ADCY10: variants seen among roughly 807,000 people sequenced by gnomAD.
The protein encoded by ADCY10 is adenylate cyclase 10.
Under a neutral mutation model 183.3 loss-of-function variants are expected in ADCY10, and 156 were observed. The ratio of observed to expected loss-of-function variants is 0.85; its 90% CI spans 0.75 to 0.97. ADCY10 has a LOEUF of 0.97. Ranked by LOEUF, ADCY10 falls within the 50% of genes least tolerant of loss-of-function variation. The pLI, the probability that ADCY10 is intolerant of heterozygous loss-of-function variation, is 0.00. For synonymous variants in ADCY10, 645 were observed against 670.0 expected (o/e 0.96, Z 0.58); for missense variants, 1,745 against 1,934.3 (o/e 0.90, Z 1.84).
chr1:167,818,369 C>T (rs77410994), intron 30 of ADCY10, 102 bp from the exon 31 acceptor site: 1 of 1,068,782 alleles, frequency 9.4e-7, no homozygotes, highest in Non-Finnish European at 1.4e-6. Flanking sequence ...TTACCTGGGT[C>T]TCTGGAAGTG....
intron 21 of ADCY10, among the ~76,000 whole-genome samples, chr1:167,840,822 T>C (rs905696339): frequency 6.6e-6 from 1 of 152,140 alleles, no homozygotes; most frequent in Admixed American, 6.6e-5. Flanking sequence ...CTGCCCACCT[T>C]ATGGTTTCAA....
intron 8 of ADCY10, among the ~76,000 whole-genome samples, chr1:167,888,098 G>A (rs203854): frequency 0.53 from 80,710 of 152,026 alleles, 21,903 homozygotes; most frequent in Middle Eastern, 0.64. Flanking sequence ...AGATGTATGA[G>A]TTTATTTCTT....
In ADCY10 at chr1:167,818,728, G is replaced by A. The variant is rs559694588; in HGVS notation, c.4287-461C>T. ...AATTTTTTGTATTTTAAGTAGATAC[G>A]GGGTTTCACCATGTTGGCTAGGCTG... is the stretch of plus-strand genomic sequence containing the variant. On this transcript the variant is annotated intron_variant, in intron 30 of 32. Transcript: ENST00000367851. Among the ~76,000 whole-genome samples the A allele has an allele frequency of 3.3e-5, 5 of 152,206 alleles. No individual in the cohort carries two copies. The South Asian group carries it at 6.2e-4, about 19-fold the overall frequency.
In ADCY10 at chr1:167,878,515, G is replaced by A; in HGVS notation, c.1337C>T (p.Pro446Leu). 1 of 1,614,078 alleles carries A rather than the reference G, an allele frequency of 6.2e-7. No homozygotes were observed. Among genetic ancestry groups the A allele is most frequent in the Non-Finnish European group, 8.5e-7 (1 of 1,180,024 alleles). Residue 446 changes from proline to leucine, a missense_variant, in exon 12 of 33, where the codon CCA (proline) becomes CTA (leucine). Coordinates refer to ENST00000367851, the MANE Select transcript of ADCY10 (RefSeq NM_018417.6). ...NLPAYFFKEL[P>L]KKVMKGVADS... The stretch of plus-strand genomic sequence containing the variant: ...TGCAACACCTTTCATAACTTTCTTT[G>A]GAAGCTCTTTAAAAAAGTACGCTGG...
intron 3 of ADCY10, among the ~76,000 whole-genome samples, chr1:167,903,515 G>C (rs759599655): frequency 1.6e-4 from 25 of 152,124 alleles, no homozygotes; most frequent in Non-Finnish European, 3.2e-4. Context: ...AGTGAGCCAA[G>C]ATTGTGCCAC....
At chr1:167,899,398 C>G in intron 6 of ADCY10, 25 bp downstream of exon 6, 1 of 1,612,812 alleles carries the variant, frequency 6.2e-7, no homozygotes, top group South Asian at 1.1e-5. Flanking sequence ...GCAGAACTTT[C>G]TGTAAGTAGC....
In ADCY10 at chr1:167,870,293, A is replaced by G. The variant is rs748513464; in HGVS notation, c.1580T>C (p.Met527Thr). 7.4e-6 allele frequency: 12 copies of G among 1,613,976 alleles called. No individual in the cohort carries two copies. Among genetic ancestry groups the G allele is most frequent in the African/African-American group, 4.0e-5 (3 of 74,928 alleles). The change falls in exon 14 of 33, where the codon ATG becomes ACG. Residue 527 changes from methionine (M) to threonine (T), a missense_variant. Coordinates refer to ENST00000367851, the MANE Select transcript of ADCY10 (RefSeq NM_018417.6). ...LPGYGKSQIL[M>T]KIEYLAQGKN... ...ACCTTGGGCCAGGTACTCAATTTTC[A>G]TAAGTATCTGGCTTTTTCCATATCC...
At chr1:167,855,539 T>G (rs1446994359) in intron 17 of ADCY10, among the ~76,000 whole-genome samples, 1 of 152,128 alleles carries the variant, frequency 6.6e-6, no homozygotes, top group Non-Finnish European at 1.5e-5. Flanking sequence ...GCCTTTCCTG[T>G]CACTTGCCCA....
chr1:167,817,356 C>T (rs1450259958), intron 31 of ADCY10, among the ~76,000 whole-genome samples: 1 of 152,024 alleles, frequency 6.6e-6, no homozygotes, highest in Non-Finnish European at 1.5e-5. Flanking sequence ...CAAAGGGAGG[C>T]TCTGTTAAGA....
intron 26 of ADCY10, 105 bp from the exon 27 acceptor site, chr1:167,824,960 T>C: frequency 8.6e-7 from 1 of 1,167,132 alleles, no homozygotes; most frequent in South Asian, 1.3e-5. Flanking sequence ...AGTTTGGGAA[T>C]AGAGCTGGAC....
chr1:167,909,871 G>T (rs2102481978), intron 1 of ADCY10, among the ~76,000 whole-genome samples: 1 of 152,304 alleles, frequency 6.6e-6, no homozygotes, highest in African/African-American at 2.4e-5. Context: ...TCTCTGAAGA[G>T]AAAGAGGAAG....
At chr1:167,862,080 G>A (rs891425504) in intron 14 of ADCY10, among the ~76,000 whole-genome samples, 1 of 152,150 alleles carries the variant, frequency 6.6e-6, no homozygotes, top group Non-Finnish European at 1.5e-5. Context: ...GTTCTTTATA[G>A]CAGCGTGAAA....
Position 167,872,478 on chromosome 1 carries a change from A to G in ADCY10, c.1463-2068T>C, listed in dbSNP as rs145474307. 5.3e-5 allele frequency among the ~76,000 whole-genome samples: 8 copies of G among 152,040 alleles called. No homozygotes were observed. In the East Asian group the frequency reaches 1.5e-3, roughly 29 times the overall value. Reference sequence around the variant, plus strand: ...GTATCTTTAGCTGGATTCTAAAATGAGATTGTCTCCTTAACTTGAAATGCA... The same window carrying G: ...GTATCTTTAGCTGGATTCTAAAATGGGATTGTCTCCTTAACTTGAAATGCA... On this transcript the variant is annotated intron_variant, in intron 13 of 32. Transcript: ENST00000367851.
rs1347436903 is a variant in ADCY10, at chr1:167,844,141, CAA to C, written c.3007+1420_3007+1421del. On this transcript the variant is annotated intron_variant, in intron 21 of 32. Transcript: ENST00000367851. Reference sequence around the variant, plus strand: ...ACCAATTTTGTAAAAATATAACAAACAAGAGAGAATTTAATAAATGCTAGTAA... The same window carrying C: ...ACCAATTTTGTAAAAATATAACAAACGAGAGAATTTAATAAATGCTAGTAA... 2.0e-5 allele frequency among the ~76,000 whole-genome samples: 3 copies of C among 152,088 alleles called. No homozygotes were observed. In the East Asian group the frequency reaches 5.8e-4, roughly 29 times the overall value.
chr1:167,845,578 A>G lies in ADCY10; in HGVS notation c.2992T>C (p.Ser998Pro). 1 of 1,614,214 alleles carries G rather than the reference A, an allele frequency of 6.2e-7. No homozygotes were observed. Among genetic ancestry groups the G allele is most frequent in the South Asian group, 1.1e-5 (1 of 91,084 alleles). ...DMDAIKKMAM[S>P]HGFKTEEKLI... ...AGTAGGTTACTTTTAAATCCATGAG[A>G]CATAGCCATCTTTTTAATGGCATCC... The change falls in exon 21 of 33, where the codon TCT becomes CCT. Residue 998 changes from serine (S) to proline (P), a missense_variant. Ser to Pro is a moderately conservative substitution (Grantham distance 74). Coordinates refer to ENST00000367851, the MANE Select transcript of ADCY10 (RefSeq NM_018417.6).
intron 1 of ADCY10, among the ~76,000 whole-genome samples, chr1:167,911,914 A>C (rs1201114575): frequency 6.6e-6 from 1 of 152,238 alleles, no homozygotes. Flanking sequence ...ATGCATTTTG[A>C]GATTAAGATG....
At chr1:167,832,939 C>G in intron 25 of ADCY10, 48 bp downstream of exon 25, 1 of 1,599,162 alleles carries the variant, frequency 6.3e-7, no homozygotes, top group South Asian at 1.1e-5. Flanking sequence ...GTAGGCCTCT[C>G]TGGGGAGTGA....
chr1:167,884,694 ATTT>A (rs71100911), intron 8 of ADCY10, among the ~76,000 whole-genome samples: 18 of 108,616 alleles, frequency 1.7e-4, no homozygotes, highest in South Asian at 6.1e-4. Context: ...AATCATTTTA[ATTT>A]TTTTTTTTTT....
intron 8 of ADCY10, among the ~76,000 whole-genome samples, chr1:167,884,255 G>T (rs892555315): frequency 6.6e-6 from 1 of 152,208 alleles, no homozygotes; most frequent in African/African-American, 2.4e-5. Flanking sequence ...AGGAAGCATG[G>T]CTGGGGAGGA....
Sources: allele counts gnomAD v4.1 joint callset (sites outside exome capture counted in the v4.1 genomes callset), GRCh38; gene constraint gnomAD v4.1.1; transcripts MANE v1.5; gene names NCBI Gene and HGNC (gene_info 2026-07-23, HGNC 2026-07-21).